Variants in LAMA2 observed in about 807,000 individuals in gnomAD.
LAMA2 encodes laminin subunit alpha-2.
Under a neutral mutation model 364.8 loss-of-function variants are expected in LAMA2, and 269 were observed. That is an observed-to-expected ratio of 0.74 (90% CI 0.67 to 0.82). The LOEUF is 0.82. Ranked by LOEUF, LAMA2 falls within the 40% of genes least tolerant of loss-of-function variation. The pLI, the probability that LAMA2 is intolerant of heterozygous loss-of-function variation, is 0.00. For missense variants in LAMA2, 3,807 were observed against 3,873.2 expected, an observed-to-expected ratio of 0.98 and a Z score of 0.45; for synonymous variants, 1,379 against 1,370.6, an observed-to-expected ratio of 1.01 and a Z score of -0.14.
At chr6:129,105,895 C>T (rs1237772612) in intron 4 of LAMA2, among the ~76,000 whole-genome samples, 1 of 152,154 alleles carries the variant, frequency 6.6e-6, no homozygotes, top group Admixed American at 6.5e-5. Flanking sequence ...CTTTGACTCA[C>T]ATTATTGCTT....
chr6:129,017,514 G>A (rs1232727968), intron 1 of LAMA2, among the ~76,000 whole-genome samples: 1 of 151,850 alleles, frequency 6.6e-6, no homozygotes, highest in East Asian at 1.9e-4. Context: ...GTGAACTTTG[G>A]TAACATAAGG....
intron 15 of LAMA2, among the ~76,000 whole-genome samples, chr6:129,265,844 TC>T (rs1158300487): frequency 6.6e-6 from 1 of 152,058 alleles, no homozygotes; most frequent in Non-Finnish European, 1.5e-5. Flanking sequence ...TGCACATGTA[TC>T]CCAGAACTTA....
At chr6:128,944,418 G>A (rs1780366612) in intron 1 of LAMA2, among the ~76,000 whole-genome samples, 1 of 152,150 alleles carries the variant, frequency 6.6e-6, no homozygotes, top group Non-Finnish European at 1.5e-5. Flanking sequence ...CCAGACTTCA[G>A]AGGGATATAG....
intron 9 of LAMA2, among the ~76,000 whole-genome samples, chr6:129,171,031 A>G (rs1268179020): frequency 1.3e-5 from 2 of 151,560 alleles, no homozygotes; most frequent in Non-Finnish European, 2.9e-5. Context: ...TGCTTGGTAG[A>G]TCTTCCTCCA....
At chr6:129,107,037 C>T (rs1294920566) in intron 4 of LAMA2, among the ~76,000 whole-genome samples, 1 of 151,916 alleles carries the variant, frequency 6.6e-6, no homozygotes, top group African/African-American at 2.4e-5. Context: ...TGTTGTGGAA[C>T]AGGATCCACT....
intron 17 of LAMA2, among the ~76,000 whole-genome samples, chr6:129,271,942 T>C (rs1278924503): frequency 6.6e-6 from 1 of 152,188 alleles, no homozygotes; most frequent in African/African-American, 2.4e-5. Flanking sequence ...GACTTTGAGA[T>C]AATTCTAACA....
chr6:129,404,264 A>T (rs1425895251), intron 40 of LAMA2, among the ~76,000 whole-genome samples: 2 of 147,396 alleles, frequency 1.4e-5, no homozygotes, highest in Non-Finnish European at 3.0e-5. Context: ...TTTTATCACC[A>T]TTATCTCAAA....
intron 12 of LAMA2, among the ~76,000 whole-genome samples, chr6:129,243,793 G>A (rs1486573113): frequency 6.6e-6 from 1 of 151,838 alleles, no homozygotes; most frequent in Non-Finnish European, 1.5e-5. Flanking sequence ...CGTGTGAAAG[G>A]ACATAGTTAT....
intron 40 of LAMA2, among the ~76,000 whole-genome samples, chr6:129,405,600 A>G (rs1780208164): frequency 6.6e-6 from 1 of 152,158 alleles, no homozygotes; most frequent in African/African-American, 2.4e-5. Flanking sequence ...AATAAGTGCT[A>G]TAGAGAATCA....
At chr6:129,378,157 A>G (rs1393956179) in intron 34 of LAMA2, among the ~76,000 whole-genome samples, 1 of 152,186 alleles carries the variant, frequency 6.6e-6, no homozygotes, top group Admixed American at 6.5e-5. Context: ...ATTGTACAAC[A>G]TATTAGGATA....
In LAMA2 at chr6:129,284,759, T is replaced by C. The variant is rs550416988; in HGVS notation, c.2538-3088T>C. Reference sequence around the variant, plus strand: ...CTCTTTTTCTACCTCTCCCTCTCTCTCTTCCTCTCTCCCTCCCTCCCTCTA... The same window carrying C: ...CTCTTTTTCTACCTCTCCCTCTCTCCCTTCCTCTCTCCCTCCCTCCCTCTA... On this transcript the variant is annotated intron_variant, in intron 18 of 64. Coordinates refer to ENST00000421865, the MANE Select transcript of LAMA2 (RefSeq NM_000426.4). Among the ~76,000 whole-genome samples, 4 of 152,228 alleles carry C rather than the reference T, an allele frequency of 2.6e-5. No homozygotes were observed. In the South Asian group the frequency reaches 8.3e-4, roughly 32 times the overall value.
chr6:129,119,714 A>AT (rs1056587111), intron 4 of LAMA2, among the ~76,000 whole-genome samples: 45 of 151,824 alleles, frequency 3.0e-4, no homozygotes, highest in Non-Finnish European at 6.0e-4. Flanking sequence ...CGCCTGGCTA[A>AT]TTTTTTTGTA....
intron 1 of LAMA2, among the ~76,000 whole-genome samples, chr6:129,012,293 T>C (rs1784810955): frequency 2.6e-5 from 4 of 152,092 alleles, no homozygotes; most frequent in Admixed American, 2.0e-4. Flanking sequence ...CACTCACTGT[T>C]ATTAATAGTT....
At chr6:129,230,073 G>A (rs1784586621) in intron 12 of LAMA2, among the ~76,000 whole-genome samples, 1 of 152,066 alleles carries the variant, frequency 6.6e-6, no homozygotes, top group East Asian at 1.9e-4. Context: ...CCAAGAAAAT[G>A]AATAACGAGA....
rs1779290618 is a variant in LAMA2, at chr6:129,158,884, A to G, written c.1206+4201A>G. ...CTTCTATGATGGCAAAGCAACGTCC[A>G]TTAGTTATGCATGTGTTATTAATAG... On this transcript the variant is annotated intron_variant, in intron 8 of 64. Coordinates refer to ENST00000421865, the MANE Select transcript of LAMA2 (RefSeq NM_000426.4). 6 of 1,612,066 alleles carry G rather than the reference A, an allele frequency of 3.7e-6. No homozygotes were observed. The South Asian group carries it at 5.5e-5, about 15-fold the overall frequency.
At position 129,391,663 on chromosome 6, in the gene LAMA2, T is replaced by C. The variant is rs756344367; in HGVS notation, c.5234+10T>C. 4.3e-6 allele frequency: 7 copies of C among 1,609,428 alleles called. No homozygotes were observed. The Admixed American group carries it at 1.2e-4, about 27-fold the overall frequency. ...CTGAAGATGAGTTGGTGTGAGTAGA[T>C]GAGTTATTATTTTTTCTTTTGACAA... is the stretch of plus-strand genomic sequence containing the variant. On this transcript the variant is annotated intron_variant, in intron 36 of 64. Transcript: ENST00000421865.
chr6:129,081,643 A>G (rs1373153407), intron 3 of LAMA2, among the ~76,000 whole-genome samples: 1 of 152,158 alleles, frequency 6.6e-6, no homozygotes, highest in Non-Finnish European at 1.5e-5. Context: ...TGTCAAAATC[A>G]TTTCCAGAAG....
At chr6:129,313,883 A>G (rs1403996301) in intron 23 of LAMA2, among the ~76,000 whole-genome samples, 1 of 152,224 alleles carries the variant, frequency 6.6e-6, no homozygotes, top group African/African-American at 2.4e-5. Flanking sequence ...ACAATGCTGC[A>G]TTCTTATATC....
At chr6:129,140,929 G>A (rs997086095) in intron 4 of LAMA2, among the ~76,000 whole-genome samples, 14 of 151,998 alleles carry the variant, frequency 9.2e-5, no homozygotes, top group African/African-American at 2.9e-4. Context: ...GCTATCACAC[G>A]GTTTATTAAC....
Sources: gnomAD v4.1 joint callset for allele counts (sites outside exome capture counted in the v4.1 genomes callset) on GRCh38, gnomAD v4.1.1 for gene constraint, MANE v1.5 for transcripts, NCBI Gene and HGNC (gene_info 2026-07-23, HGNC 2026-07-21) for gene names.